BCL7C: variants seen among roughly 807,000 people sequenced by gnomAD.
BCL7C encodes BAF chromatin remodeling complex subunit BCL7C, also known as B-cell CLL/lymphoma 7 protein family member C.
In BCL7C, 8 loss-of-function variants were observed where a neutral mutation model predicts 26.2. The observed-to-expected ratio is 0.30, with a 90% confidence interval of 0.18 to 0.55. The LOEUF is 0.55. Ranked by LOEUF, BCL7C falls within the 20% of genes least tolerant of loss-of-function variation. The probability of loss-of-function intolerance (pLI) is 0.93; values close to 1 mark genes in which losing one functional copy is unlikely to be tolerated. For missense variants in BCL7C, 262 were observed against 298.5 expected, an observed-to-expected ratio of 0.88 and a Z score of 0.90; for synonymous variants, 90 against 116.5, an observed-to-expected ratio of 0.77 and a Z score of 1.47.
chr16:30,866,575 GA>G (rs112768509), intron 5 of BCL7C, among the ~76,000 whole-genome samples: 3,408 of 83,952 alleles, frequency 0.041, 86 homozygotes, highest in African/African-American at 0.11. Context: ...AGACTGTCTG[GA>G]AAAAAAAAAA....
intron 5 of BCL7C, among the ~76,000 whole-genome samples, chr16:30,879,418 A>G (rs2055004217): frequency 6.6e-6 from 1 of 152,162 alleles, no homozygotes; most frequent in Non-Finnish European, 1.5e-5. Context: ...AGCAGTAAAA[A>G]GGAACAAACT....
intron 5 of BCL7C, chr16:30,851,839 T>A (rs2054677315): frequency 7.6e-6 from 2 of 263,370 alleles, no homozygotes; most frequent in Non-Finnish European, 7.4e-6. Context: ...GGTTGTCATA[T>A]AAAATCGACT....
intron 5 of BCL7C, among the ~76,000 whole-genome samples, chr16:30,855,604 T>C (rs1269426667): frequency 6.6e-6 from 1 of 152,156 alleles, no homozygotes; most frequent in Non-Finnish European, 1.5e-5. Context: ...TTTAATAGCT[T>C]CTGTCACTTT....
At chr16:30,869,272 G>A (rs530784175) in intron 5 of BCL7C, among the ~76,000 whole-genome samples, 61 of 152,122 alleles carry the variant, frequency 4.0e-4, no homozygotes, top group Non-Finnish European at 7.8e-4. Context: ...TCAGTGGCAC[G>A]ATCATGGCTC....
intron 4 of BCL7C, among the ~76,000 whole-genome samples, chr16:30,891,674 ATCACATAGGGCCAG>A (rs554687390): frequency 3.9e-5 from 6 of 152,124 alleles, no homozygotes; most frequent in Admixed American, 3.9e-4. Context: ...AGTGAACAAG[ATCACATAGGGCCAG>A]GCACAGTGAC....
At position 30,860,356 on chromosome 16, in the gene BCL7C, G is replaced by A. The variant is rs771350311; in HGVS notation, c.529-25208C>T. 3.3e-5 allele frequency among the ~76,000 whole-genome samples: 5 copies of A among 152,102 alleles called. No individual in the cohort carries two copies. In the East Asian group the frequency reaches 9.6e-4, roughly 29 times the overall value. On this transcript the variant is annotated intron_variant, in intron 5 of 5. Transcript: ENST00000380317. ...AACTGTGGGGACGCCTGCTTTGGCT[G>A]CTCACCCACATTGCAGCCCAGGGCT...
intron 5 of BCL7C, among the ~76,000 whole-genome samples, chr16:30,844,814 A>G (rs1208746437): frequency 1.3e-5 from 2 of 152,190 alleles, no homozygotes; most frequent in Non-Finnish European, 2.9e-5. Context: ...CTGCTCTAAG[A>G]TAACGGGCTG....
chr16:30,874,381 C>T (rs2054916122), intron 5 of BCL7C, among the ~76,000 whole-genome samples: 1 of 152,060 alleles, frequency 6.6e-6, no homozygotes, highest in South Asian at 2.1e-4. Context: ...CTTTCAGAGG[C>T]CGAGGCAGGA....
chr16:30,838,565 T>G (rs1351820394), intron 5 of BCL7C, among the ~76,000 whole-genome samples: 2 of 152,156 alleles, frequency 1.3e-5, no homozygotes, highest in Non-Finnish European at 2.9e-5. Context: ...GGTGGGTCAC[T>G]TGAGGTCAGG....
chr16:30,890,661 C>T (rs2055212724), intron 4 of BCL7C, among the ~76,000 whole-genome samples: 1 of 151,898 alleles, frequency 6.6e-6, no homozygotes, highest in South Asian at 2.1e-4. Flanking sequence ...ACTAGCCAGG[C>T]CAACATGGTG....
At chr16:30,865,796 G>A (rs1596597990) in intron 5 of BCL7C, among the ~76,000 whole-genome samples, 1 of 140,656 alleles carries the variant, frequency 7.1e-6, no homozygotes, top group African/African-American at 2.7e-5. Flanking sequence ...GCGTGATCTT[G>A]GCTCACTGCA....
intron 5 of BCL7C, among the ~76,000 whole-genome samples, chr16:30,850,502 C>A (rs975588395): frequency 6.6e-6 from 1 of 152,122 alleles, no homozygotes; most frequent in African/African-American, 2.4e-5. Context: ...GATGGTATAA[C>A]CTGCTACTAC....
At chr16:30,891,215 C>T (rs915947140) in intron 4 of BCL7C, among the ~76,000 whole-genome samples, 15 of 150,276 alleles carry the variant, frequency 1.0e-4, no homozygotes, top group Non-Finnish European at 2.1e-4. Context: ...GTAATCCCAG[C>T]ACTTTGGGAG....
rs1467461215 is a variant in BCL7C at position 30,880,343 on chromosome 16, T to C, written c.528+8517A>G. ...TGCAAAAAATACAAAAAAAAATTAG[T>C]GAGCTGTGAACATGCCACTGCACTC... On this transcript the variant is annotated intron_variant, in intron 5 of 5. Transcript: ENST00000380317. Among the ~76,000 whole-genome samples, 4 of 150,740 alleles carry C rather than the reference T, an allele frequency of 2.7e-5. No homozygotes were observed. The Admixed American group carries it at 2.7e-4, about 10-fold the overall frequency.
intron 5 of BCL7C, among the ~76,000 whole-genome samples, chr16:30,836,491 T>C (rs1194226419): frequency 1.3e-5 from 2 of 150,934 alleles, no homozygotes; most frequent in African/African-American, 4.9e-5. Context: ...TTTTTTTTTT[T>C]TGAGACAGGT....
chr16:30,890,155 G>A (rs1203046674), intron 4 of BCL7C, among the ~76,000 whole-genome samples: 1 of 151,976 alleles, frequency 6.6e-6, no homozygotes, highest in Admixed American at 6.6e-5. Flanking sequence ...CAGCACTTTG[G>A]GAGGCCGAGG....
chr16:30,879,787 A>G (rs925678516), intron 5 of BCL7C, among the ~76,000 whole-genome samples: 6 of 149,982 alleles, frequency 4.0e-5, no homozygotes, highest in African/African-American at 1.5e-4. Context: ...CAGGAGATCG[A>G]GACCATCCTG....
At chr16:30,839,235 C>T (rs1229674922) in intron 5 of BCL7C, among the ~76,000 whole-genome samples, 1 of 152,216 alleles carries the variant, frequency 6.6e-6, no homozygotes, top group Non-Finnish European at 1.5e-5. Flanking sequence ...ACTGTGGCCT[C>T]TCTAGAGGAC....
At chr16:30,835,259 G>C in intron 5 of BCL7C, 1 of 1,035,090 alleles carries the variant, frequency 9.7e-7, no homozygotes, top group East Asian at 2.9e-5. Flanking sequence ...TTGGTGGAAA[G>C]TCTTTTGCAA....
Sources: allele counts gnomAD v4.1 joint callset (sites outside exome capture counted in the v4.1 genomes callset), GRCh38; gene constraint gnomAD v4.1.1; transcripts MANE v1.5; gene names NCBI Gene and HGNC (gene_info 2026-07-23, HGNC 2026-07-21).